Variants in CNTNAP2 observed in about 807,000 individuals in gnomAD.
The protein encoded by CNTNAP2 is contactin-associated protein-like 2.
CNTNAP2 carries 98 observed loss-of-function variants against 155.2 expected under a neutral mutation model. The observed-to-expected ratio is 0.63, with a 90% CI of 0.54 to 0.75. The LOEUF is 0.75. Ranked by LOEUF, CNTNAP2 falls within the 30% of genes least tolerant of loss-of-function variation. The pLI is 0.00. For synonymous variants in CNTNAP2, 651 were observed against 631.2 expected (o/e 1.03, Z -0.47); for missense variants, 1,727 against 1,688.1 (o/e 1.02, Z -0.40).
intron 15 of CNTNAP2, among the ~76,000 whole-genome samples, chr7:148,084,422 CAG>C (rs1647350933): frequency 6.6e-6 from 1 of 152,222 alleles, no homozygotes; most frequent in African/African-American, 2.4e-5. Context: ...CAGAATGTCA[CAG>C]GTCGGAAGCC....
At chr7:148,341,000 G>A (rs771472774) in intron 21 of CNTNAP2, among the ~76,000 whole-genome samples, 2 of 152,162 alleles carry the variant, frequency 1.3e-5, no homozygotes, top group South Asian at 2.1e-4. Context: ...TCTTCTGAAC[G>A]GGTCTGCAAG....
chr7:146,474,938 T>G (rs1796852169), intron 1 of CNTNAP2, among the ~76,000 whole-genome samples: 1 of 152,116 alleles, frequency 6.6e-6, no homozygotes, highest in Non-Finnish European at 1.5e-5. Context: ...TTGTGTTCTC[T>G]GGAGCTTAGA....
chr7:146,484,017 G>T (rs1797019472), intron 1 of CNTNAP2, among the ~76,000 whole-genome samples: 1 of 152,144 alleles, frequency 6.6e-6, no homozygotes, highest in Admixed American at 6.5e-5. Flanking sequence ...TCCGTTCATA[G>T]TAAGTGCACT....
Position 147,949,458 on chromosome 7 carries a change from A to ATATATATATATATATATATT in CNTNAP2, c.2256-28403_2256-28402insATATATATATATATATATTT, listed in dbSNP as rs1433579404. On this transcript the variant is annotated intron_variant, in intron 14 of 23. Transcript: ENST00000361727. The stretch of plus-strand genomic sequence containing the variant: ...ACTGTGTGTATATATATATATATAT[A>ATATATATATATATATATATT]TTTTTTTTTTTTAGGTTTATTGCAG... 6.6e-4 allele frequency among the ~76,000 whole-genome samples: 90 copies of ATATATATATATATATATATT among 137,350 alleles called. No homozygotes were observed. The South Asian group carries it at 8.1e-3, about 12-fold the overall frequency. 90.1% of individuals were successfully genotyped at this position (137,350 alleles called of 152,430 possible).
At chr7:147,022,232 G>A (rs962900409) in intron 3 of CNTNAP2, among the ~76,000 whole-genome samples, 5 of 152,092 alleles carry the variant, frequency 3.3e-5, no homozygotes, top group African/African-American at 1.2e-4. Flanking sequence ...AGTTCAGTGA[G>A]TCATTGCCTG....
At chr7:146,379,960 A>G (rs900772938) in intron 1 of CNTNAP2, among the ~76,000 whole-genome samples, 3 of 152,208 alleles carry the variant, frequency 2.0e-5, no homozygotes, top group Non-Finnish European at 2.9e-5. Flanking sequence ...CTGAAGTTAT[A>G]AATGTAAGCT....
intron 1 of CNTNAP2, among the ~76,000 whole-genome samples, chr7:146,270,825 T>A (rs2129083274): frequency 6.6e-6 from 1 of 152,262 alleles, no homozygotes; most frequent in Non-Finnish European, 1.5e-5. Context: ...AACACAAATT[T>A]AACTTTTTAA....
chr7:147,765,093 T>G (rs1797363924), intron 13 of CNTNAP2, among the ~76,000 whole-genome samples: 1 of 152,196 alleles, frequency 6.6e-6, no homozygotes, highest in African/African-American at 2.4e-5. Context: ...AAGAATAGTT[T>G]TCTAAAATAT....
In CNTNAP2 at chr7:146,821,229, C is replaced by T. The variant is rs952593792; in HGVS notation, c.209-18482C>T. ...ATTATGATGTTAGCTGGTTATTTTG[C>T]TCGTTAGTTGATGCAGTTTCTTCCT... is the stretch of plus-strand genomic sequence containing the variant. On this transcript the variant is annotated intron_variant, in intron 2 of 23. Coordinates refer to ENST00000361727, the MANE Select transcript of CNTNAP2 (RefSeq NM_014141.6). 3.4e-4 allele frequency among the ~76,000 whole-genome samples: 51 copies of T among 152,212 alleles called. No individual in the cohort carries two copies. In the East Asian group the frequency reaches 5.2e-3, roughly 16 times the overall value.
intron 1 of CNTNAP2, among the ~76,000 whole-genome samples, chr7:146,405,517 G>A (rs1795778521): frequency 6.6e-6 from 1 of 152,266 alleles, no homozygotes; most frequent in Non-Finnish European, 1.5e-5. Context: ...AGATATATAA[G>A]GGCCATTGAA....
intron 13 of CNTNAP2, among the ~76,000 whole-genome samples, chr7:147,640,666 G>A (rs1016842157): frequency 2.0e-5 from 3 of 152,240 alleles, no homozygotes; most frequent in African/African-American, 4.8e-5. Context: ...TTAATCTCAC[G>A]CAGAACTGGA....
chr7:147,099,174 A>G (rs1800606547), intron 4 of CNTNAP2, among the ~76,000 whole-genome samples: 2 of 152,264 alleles, frequency 1.3e-5, no homozygotes, highest in East Asian at 3.9e-4. Context: ...GGCTGATCCT[A>G]GTTGTCTTGT....
chr7:147,603,559 A>C (rs535073928), intron 12 of CNTNAP2, among the ~76,000 whole-genome samples: 2 of 151,180 alleles, frequency 1.3e-5, no homozygotes, highest in Non-Finnish European at 1.5e-5. Flanking sequence ...CCACTGCTCA[A>C]TGAAATAAAA....
At chr7:146,283,347 A>G (rs1800279167) in intron 1 of CNTNAP2, among the ~76,000 whole-genome samples, 1 of 152,116 alleles carries the variant, frequency 6.6e-6, no homozygotes, top group South Asian at 2.1e-4. Flanking sequence ...ATCATGGGAG[A>G]AAAATGAGTG....
At chr7:146,562,584 G>A (rs761516323) in intron 1 of CNTNAP2, among the ~76,000 whole-genome samples, 1 of 151,880 alleles carries the variant, frequency 6.6e-6, no homozygotes, top group Non-Finnish European at 1.5e-5. Flanking sequence ...ATTAAGACTG[G>A]GCTTTGTCTC....
intron 13 of CNTNAP2, among the ~76,000 whole-genome samples, chr7:147,784,493 TAATATATATATATATATATATATA>T (rs1797705392): frequency 2.1e-5 from 1 of 48,100 alleles, no homozygotes; most frequent in African/African-American, 6.9e-5. Context: ...GGCTCTGGAC[TAATATATATATATATATATATATA>T]TATATATATA....
intron 13 of CNTNAP2, among the ~76,000 whole-genome samples, chr7:147,792,747 C>T (rs1175467733): frequency 2.0e-5 from 3 of 152,082 alleles, no homozygotes; most frequent in Non-Finnish European, 2.9e-5. Flanking sequence ...TATATTGTAA[C>T]AGTATGTGTA....
chr7:146,775,208 G>A (rs1375141322), intron 2 of CNTNAP2, among the ~76,000 whole-genome samples: 1 of 152,102 alleles, frequency 6.6e-6, no homozygotes, highest in African/African-American at 2.4e-5. Flanking sequence ...CAAAGTTTTA[G>A]TTAGACAAGA....
chr7:148,229,869 G>C, intron 20 of CNTNAP2, 90 bp downstream of exon 20: 1 of 1,472,112 alleles, frequency 6.8e-7, no homozygotes, highest in Non-Finnish European at 9.4e-7. Context: ...GTTTTGAGGG[G>C]ATAGAAGTAG....
Sources: allele counts gnomAD v4.1 joint callset (sites outside exome capture counted in the v4.1 genomes callset), GRCh38; gene constraint gnomAD v4.1.1; transcripts MANE v1.5; gene names NCBI Gene and HGNC (gene_info 2026-07-23, HGNC 2026-07-21).